Variants in DNAH9 observed in about 807,000 individuals in gnomAD.
The protein encoded by DNAH9 is dynein axonemal heavy chain 9.
Under a neutral mutation model 471.6 loss-of-function variants are expected in DNAH9, and 345 were observed. The ratio of observed to expected loss-of-function variants is 0.73; its 90% CI spans 0.67 to 0.80. The LOEUF is 0.80. Among genes scored for constraint, DNAH9 ranks in the 30% least tolerant of loss-of-function variants. The pLI, the probability that DNAH9 is intolerant of heterozygous loss-of-function variation, is 0.00. For missense variants in DNAH9, 5,407 were observed against 5,609.2 expected (o/e 0.96, Z 1.15); for synonymous variants, 2,093 against 2,123.6 (o/e 0.99, Z 0.40).
chr17:11,743,647 A>G (rs1319470434), intron 30 of DNAH9, among the ~76,000 whole-genome samples: 2 of 152,030 alleles, frequency 1.3e-5, no homozygotes, highest in South Asian at 2.1e-4. Flanking sequence ...TTGTCTTCTC[A>G]CCTGAGCCTG....
At chr17:11,697,937 A>G (rs2074504451) in intron 22 of DNAH9, among the ~76,000 whole-genome samples, 1 of 151,452 alleles carries the variant, frequency 6.6e-6, no homozygotes. Context: ...AATTGAAAGA[A>G]AAACAAGGTG....
intron 61 of DNAH9, among the ~76,000 whole-genome samples, chr17:11,916,764 C>T (rs1228243164): frequency 6.6e-6 from 1 of 152,154 alleles, no homozygotes; most frequent in African/African-American, 2.4e-5. Flanking sequence ...TTTGCTTCAA[C>T]AAGGCAGTTC....
intron 17 of DNAH9, among the ~76,000 whole-genome samples, chr17:11,674,888 A>G (rs2150734768): frequency 6.6e-6 from 1 of 152,324 alleles, no homozygotes; most frequent in South Asian, 2.1e-4. Context: ...GTAGCTTAGT[A>G]ACAAATCTCT....
chr17:11,675,937 G>A (rs1293671147), intron 17 of DNAH9, among the ~76,000 whole-genome samples: 1 of 151,672 alleles, frequency 6.6e-6, no homozygotes, highest in African/African-American at 2.4e-5. Context: ...AATTGTGCTA[G>A]CTTCATAGAA....
chr17:11,877,796 G>T (rs961659741), intron 53 of DNAH9, among the ~76,000 whole-genome samples: 2 of 152,056 alleles, frequency 1.3e-5, no homozygotes, highest in African/African-American at 2.4e-5. Flanking sequence ...ATATAGTGGC[G>T]CTATCTCGGC....
chr17:11,834,256 G>A (rs1354614952), intron 48 of DNAH9, among the ~76,000 whole-genome samples: 1 of 146,666 alleles, frequency 6.8e-6, no homozygotes, highest in Non-Finnish European at 1.5e-5. Flanking sequence ...TTGAACCCAG[G>A]AGGCGGAGGT....
chr17:11,621,997 A>G (rs143145132), intron 6 of DNAH9, among the ~76,000 whole-genome samples: 3,628 of 152,102 alleles, frequency 0.024, 49 homozygotes, highest in Non-Finnish European at 0.032. Context: ...GAGGCAGGAG[A>G]ATCACTTGAA....
intron 14 of DNAH9, among the ~76,000 whole-genome samples, chr17:11,663,781 G>A (rs1437778316): frequency 1.3e-5 from 2 of 152,232 alleles, no homozygotes; most frequent in East Asian, 1.9e-4. Context: ...GTGATTTAAT[G>A]TGGAAGCAAA....
At chr17:11,694,104 C>T in intron 21 of DNAH9, 106 bp downstream of exon 21, 10 of 1,426,282 alleles carry the variant, frequency 7.0e-6, no homozygotes, top group Non-Finnish European at 9.6e-6. Flanking sequence ...CCTTGCATGT[C>T]CCTTTCTTTG....
chr17:11,906,643 A>AAAAAAAAAAAG (rs1567891631), intron 61 of DNAH9, among the ~76,000 whole-genome samples: 1 of 148,478 alleles, frequency 6.7e-6, no homozygotes. Flanking sequence ...AAAAAAAAAA[A>AAAAAAAAAAAG]AAAGAAAATG....
Position 11,962,429 on chromosome 17 carries a change from G to GT in DNAH9, c.13233+174dup, listed in dbSNP as rs1976291376. On this transcript the variant is annotated intron_variant, in intron 68 of 68. Coordinates refer to ENST00000262442, the MANE Select transcript of DNAH9 (RefSeq NM_001372.4). The surrounding 1 kb of genome is among the most constrained non-coding windows in gnomAD (Gnocchi z 4.1). ...TTTAGCCAGGGGTGGTGCAAAGAGCGTAAGTTTTGCAGAGGCAGTAGAGTG... is the reference window on the plus strand; with the variant it reads ...TTTAGCCAGGGGTGGTGCAAAGAGCGTTAAGTTTTGCAGAGGCAGTAGAGTG... Among the ~76,000 whole-genome samples the GT allele has an allele frequency of 1.3e-5, 2 of 152,200 alleles. No individual in the cohort carries two copies. Among genetic ancestry groups the GT allele is most frequent in the Admixed American group, 6.5e-5 (1 of 15,280 alleles).
At chr17:11,855,888 GC>G (rs1047731760) in intron 50 of DNAH9, among the ~76,000 whole-genome samples, 1 of 152,136 alleles carries the variant, frequency 6.6e-6, no homozygotes, top group Non-Finnish European at 1.5e-5. Context: ...TTTCCAAAAT[GC>G]CCAAACCTTA....
intron 18 of DNAH9, 31 bp downstream of exon 18, chr17:11,680,010 A>T (rs2074107940): frequency 6.5e-7 from 1 of 1,547,706 alleles, no homozygotes; most frequent in Non-Finnish European, 8.9e-7. Context: ...CTTATAAAAG[A>T]AATAGAGGAA....
At chr17:11,751,825 C>T (rs1485167684) in intron 32 of DNAH9, among the ~76,000 whole-genome samples, 1 of 151,940 alleles carries the variant, frequency 6.6e-6, no homozygotes, top group African/African-American at 2.4e-5. Context: ...TATTATGCAA[C>T]TTTATACCTA....
intron 67 of DNAH9, among the ~76,000 whole-genome samples, chr17:11,948,452 A>G (rs1240021002): frequency 6.6e-6 from 1 of 151,390 alleles, no homozygotes; most frequent in African/African-American, 2.4e-5. Flanking sequence ...CTGGTCTCGA[A>G]CCCCTGACCT....
chr17:11,872,459 T>C (rs1039394634), intron 52 of DNAH9, among the ~76,000 whole-genome samples: 1 of 149,472 alleles, frequency 6.7e-6, no homozygotes, highest in African/African-American at 2.5e-5. Context: ...GCATCAGAAG[T>C]TCTAATATTT....
chr17:11,703,285 A>C (rs1321318983), intron 24 of DNAH9, among the ~76,000 whole-genome samples: 1 of 152,144 alleles, frequency 6.6e-6, no homozygotes, highest in Non-Finnish European at 1.5e-5. Context: ...GAGCTTCTTT[A>C]ATAAAATCTA....
chr17:11,797,939 G>A, intron 43 of DNAH9, 146 bp downstream of exon 43: 1 of 777,944 alleles, frequency 1.3e-6, no homozygotes, highest in Non-Finnish European at 2.0e-6. Context: ...TGCTGGCAGA[G>A]CAGCTGCAGC....
At chr17:11,849,038 G>A (rs759141159) in intron 49 of DNAH9, among the ~76,000 whole-genome samples, 18 of 152,142 alleles carry the variant, frequency 1.2e-4, no homozygotes, top group African/African-American at 3.1e-4. Context: ...GGGTTTCACC[G>A]TGTTAGCCAG....
Sources: allele counts gnomAD v4.1 joint callset (sites outside exome capture counted in the v4.1 genomes callset), GRCh38; gene constraint gnomAD v4.1.1; non-coding constraint Gnocchi (gnomAD v3.1); transcripts MANE v1.5; gene names NCBI Gene and HGNC (gene_info 2026-07-23, HGNC 2026-07-21).